The following CERS4 variants were observed in gnomAD, a reference collection of about 807,000 sequenced individuals.
CERS4 encodes the protein ceramide synthase 4, also known as LAG1 homolog, ceramide synthase 4.
CERS4 carries 65 observed loss-of-function variants against 51.8 expected under a neutral mutation model. That is an observed-to-expected ratio of 1.26 (90% CI 1.03 to 1.54). The LOEUF (loss-of-function observed/expected upper bound fraction) is 1.54, where lower values mean the gene tolerates loss of function less well. CERS4 is among the 40% of genes most tolerant of loss of function. The probability of loss-of-function intolerance (pLI) is 0.00; values close to 1 mark genes in which losing one functional copy is unlikely to be tolerated. For synonymous variants in CERS4, 228 were observed against 208.4 expected, an observed-to-expected ratio of 1.09 and a Z score of -0.81; for missense variants, 563 against 500.4, an observed-to-expected ratio of 1.13 and a Z score of -1.19.
chr19:8,262,192 C>A lies in CERS4; in HGVS notation c.*83C>A. 1 of 1,359,610 alleles carries A rather than the reference C, an allele frequency of 7.4e-7. No homozygotes were observed. The highest frequency in any genetic ancestry group is 9.5e-7 in the Non-Finnish European group (1 of 1,055,740). The allele number at this position is 1,359,610 out of a possible 1,614,324, so 84.2% of individuals were successfully genotyped here. On this transcript the variant is annotated 3_prime_UTR_variant, in exon 12 of 12. Coordinates refer to ENST00000251363, the MANE Select transcript of CERS4 (RefSeq NM_024552.3). ...GGTGACTGGACTGGCGCCCCTGGGC[C>A]ACCTTTCTGGAGACAGGGAGGGCCC...
intron 2 of CERS4, among the ~76,000 whole-genome samples, chr19:8,235,536 T>G (rs1245271066): frequency 6.7e-6 from 1 of 148,198 alleles, no homozygotes; most frequent in Non-Finnish European, 1.5e-5. Flanking sequence ...AGGTCAGGAG[T>G]TCGAGACCAG....
chr19:8,251,233 C>T lies in CERS4; in HGVS notation c.157C>T (p.Arg53Cys), dbSNP rs781132558. ...LPLALVLLAM[R>C]LAFERFIGLP... ...CCTGGCGCTGGTCCTCCTGGCCATG[C>T]GCCTTGCCTTTGAGAGGTGAGTGTC... The change falls in exon 3 of 12, where the codon CGC (arginine) becomes TGC (cysteine). Residue 53 changes from arginine to cysteine, a missense_variant. By Grantham distance (180) the Arg-to-Cys change is radical. Coordinates refer to ENST00000251363, the MANE Select transcript of CERS4 (RefSeq NM_024552.3). The T allele has an allele frequency of 2.7e-5, 43 of 1,604,634 alleles. No homozygotes were observed. Among genetic ancestry groups the T allele is most frequent in the Admixed American group, 6.9e-5 (4 of 58,020 alleles).
chr19:8,241,976 C>T lies in CERS4; in HGVS notation c.-1-9100C>T, dbSNP rs538309516. On this transcript the variant is annotated intron_variant, in intron 2 of 11. Coordinates refer to ENST00000251363, the MANE Select transcript of CERS4 (RefSeq NM_024552.3). ...ACACATCCCTCAGCCTCATTTCCTC[C>T]CTTCCCTCAGGAGAAGTTGAGCCTT... 4.6e-5 allele frequency among the ~76,000 whole-genome samples: 7 copies of T among 152,272 alleles called. No homozygotes were observed. The South Asian group carries it at 1.2e-3, about 27-fold the overall frequency.
chr19:8,235,007 C>T (rs372321307), intron 2 of CERS4, among the ~76,000 whole-genome samples: 17 of 127,888 alleles, frequency 1.3e-4, no homozygotes, highest in Admixed American at 8.4e-4. Flanking sequence ...TTCTTTCTTT[C>T]TTTCTTTTTT....
Position 8,256,671 on chromosome 19 carries a change from C to G in CERS4, c.573C>G (p.Leu191=). 6.2e-7 allele frequency: 1 copy of G among 1,613,958 alleles called. No homozygotes were observed. Among genetic ancestry groups the G allele is most frequent in the Non-Finnish European group, 8.5e-7 (1 of 1,179,920 alleles). The part of the protein sequence containing the change: ...WWYLLELGFY[L]SLLIRLPFDV... ...ACCTCTTGGAGCTGGGTTTCTACCT[C>G]TCACTGCTAATCAGGCTGCCCTTTG... The change falls in exon 8 of 12, where the codon CTC becomes CTG. Residue 191 remains leucine, a synonymous_variant. Coordinates refer to ENST00000251363, the MANE Select transcript of CERS4 (RefSeq NM_024552.3).
rs768303981 is a variant in CERS4 at position 8,262,017 on chromosome 19, G to A, written c.1093G>A (p.Gly365Arg). 2.5e-6 allele frequency: 4 copies of A among 1,586,714 alleles called. No homozygotes were observed. Among genetic ancestry groups the A allele is most frequent in the Middle Eastern group, 1.7e-4 (1 of 5,922 alleles). ...AAQEPLQLKN[G>R]AAGGPRPAPT... Reference sequence around the variant, plus strand: ...CCAGGAACCTCTGCAGCTAAAGAACGGGGCAGCTGGAGGGCCCAGGCCAGC... The same window carrying A: ...CCAGGAACCTCTGCAGCTAAAGAACAGGGCAGCTGGAGGGCCCAGGCCAGC... Residue 365 changes from glycine (G) to arginine (R), a missense_variant, in exon 12 of 12, where the codon GGG becomes AGG. Transcript: ENST00000251363.
At chr19:8,211,541 G>A (rs999409328) in intron 2 of CERS4, among the ~76,000 whole-genome samples, 3 of 152,186 alleles carry the variant, frequency 2.0e-5, no homozygotes, top group Non-Finnish European at 2.9e-5. Context: ...TTGTGAATAC[G>A]TGCTAAACAG....
Position 8,262,051 on chromosome 19 carries a change from A to C in CERS4, c.1127A>C (p.Asp376Ala), listed in dbSNP as rs375361915. The C allele has an allele frequency of 7.8e-6, 12 of 1,544,584 alleles. No individual in the cohort carries two copies. The African/African-American group carries it at 1.7e-4, about 21-fold the overall frequency. ...AAGGPRPAPT[D>A]GPRSRVAGRL... ...GGAGGGCCCAGGCCAGCCCCCACTG[A>C]TGGCCCTCGGAGCCGGGTGGCCGGG... Residue 376 changes from aspartate (D) to alanine (A), a missense_variant, in exon 12 of 12, where the codon GAT (aspartate) becomes GCT (alanine). By Grantham distance (126) the Asp-to-Ala change is moderately radical. Transcript: ENST00000251363.
chr19:8,261,721 C>G lies in CERS4; in HGVS notation c.882C>G (p.Ser294Arg). Reference sequence around the variant, plus strand: ...ACACCACATACTACGAGTCCATCAGCAACAGGGGCCCCTTCTTCGGCTACT... The same window carrying G: ...ACACCACATACTACGAGTCCATCAGGAACAGGGGCCCCTTCTTCGGCTACT... ...ILYTTYYESI[S>R]NRGPFFGYYF... The change falls in exon 11 of 12, where the codon AGC becomes AGG. Residue 294 changes from serine (S) to arginine (R), a missense_variant. Coordinates refer to ENST00000251363, the MANE Select transcript of CERS4 (RefSeq NM_024552.3). 2 of 1,614,158 alleles carry G rather than the reference C, an allele frequency of 1.2e-6. No individual in the cohort carries two copies. Among genetic ancestry groups the G allele is most frequent in the Non-Finnish European group, 1.7e-6 (2 of 1,180,032 alleles).
At chr19:8,232,889 ATTTTTTT>A (rs34774744) in intron 2 of CERS4, among the ~76,000 whole-genome samples, 80 of 59,230 alleles carry the variant, frequency 1.4e-3, no homozygotes, top group African/African-American at 5.0e-3. Context: ...TGCCTCGCTG[ATTTTTTT>A]TTTTTTTTTT....
At chr19:8,250,392 A>G (rs1419268656) in intron 2 of CERS4, 2 of 152,274 alleles carry the variant, frequency 1.3e-5, no homozygotes, top group African/African-American at 4.8e-5. Flanking sequence ...TACTCTTGTT[A>G]AAGATCAATC....
intron 3 of CERS4, among the ~76,000 whole-genome samples, 194 bp from the exon 4 acceptor site, chr19:8,254,305 A>T (rs1969248314): frequency 8.8e-6 from 1 of 113,872 alleles, no homozygotes; most frequent in Non-Finnish European, 1.8e-5. Context: ...CCTGGGTGAC[A>T]GTGCAATACT....
intron 2 of CERS4, among the ~76,000 whole-genome samples, chr19:8,219,893 G>T (rs559038236): frequency 6.6e-6 from 1 of 151,274 alleles, no homozygotes; most frequent in African/African-American, 2.4e-5. Flanking sequence ...TGAGGCAGGG[G>T]GATCATTTGA....
chr19:8,236,009 C>T (rs1968234421), intron 2 of CERS4, among the ~76,000 whole-genome samples: 1 of 152,124 alleles, frequency 6.6e-6, no homozygotes, highest in Non-Finnish European at 1.5e-5. Context: ...TCCTGGCTAA[C>T]ACGGTGAAAC....
intron 2 of CERS4, among the ~76,000 whole-genome samples, chr19:8,224,279 CG>C (rs1967691832): frequency 2.7e-5 from 4 of 145,678 alleles, no homozygotes; most frequent in Non-Finnish European, 1.5e-5. Context: ...TGGTGGCACG[CG>C]CTTGTAATCC....
At chr19:8,231,807 C>T (rs1425655331) in intron 2 of CERS4, among the ~76,000 whole-genome samples, 1 of 149,224 alleles carries the variant, frequency 6.7e-6, no homozygotes, top group African/African-American at 2.5e-5. Flanking sequence ...CTGCCTTGGC[C>T]TCCCAAAGTT....
intron 2 of CERS4, among the ~76,000 whole-genome samples, chr19:8,230,180 CT>C (rs970427247): frequency 8.8e-5 from 13 of 148,194 alleles, no homozygotes; most frequent in African/African-American, 3.0e-4. Context: ...CAAGTTAGAC[CT>C]TTTTTTTTCT....
chr19:8,256,968 T>TA lies in CERS4; in HGVS notation c.633dup (p.His212ThrfsTer32). On this transcript the variant is annotated frameshift_variant, in exon 9 of 12. Transcript: ENST00000251363. LOFTEE classifies it high-confidence loss of function. The stretch of plus-strand genomic sequence containing the variant: ...CTGCAGGATTTCAAGGAGCAGGTGA[T>TA]ACACCACTTCGTGGCGGTCATCCTG... The TA allele has an allele frequency of 2.5e-6, 4 of 1,614,164 alleles. No homozygotes were observed. Among genetic ancestry groups the TA allele is most frequent in the Non-Finnish European group, 3.4e-6 (4 of 1,180,012 alleles).
At chr19:8,261,454 T>C in intron 10 of CERS4, 1 of 563,882 alleles carries the variant, frequency 1.8e-6, no homozygotes, top group Non-Finnish European at 3.2e-6. Flanking sequence ...TGGGTGGGGT[T>C]CATAGTCATG....
Sources: gnomAD v4.1 joint callset for allele counts (sites outside exome capture counted in the v4.1 genomes callset) on GRCh38, gnomAD v4.1.1 for gene constraint, MANE v1.5 for transcripts, NCBI Gene and HGNC (gene_info 2026-07-23, HGNC 2026-07-21) for gene names.